SYCP3: variants seen among roughly 807,000 people sequenced by gnomAD.
SYCP3 encodes synaptonemal complex protein 3.
Under a neutral mutation model 38.5 loss-of-function variants are expected in SYCP3, and 29 were observed. The ratio of observed to expected loss-of-function variants is 0.75; its 90% CI spans 0.56 to 1.03. SYCP3 has a LOEUF of 1.03. SYCP3 is among the 50% of genes least tolerant of loss of function. The pLI is 0.00. For synonymous variants in SYCP3, 79 were observed against 80.3 expected (o/e 0.98, Z 0.08); for missense variants, 242 against 270.7 (o/e 0.89, Z 0.74).
intron 7 of SYCP3, chr12:101,730,474 T>C (rs1001745945): frequency 2.4e-6 from 1 of 410,226 alleles, no homozygotes; most frequent in Non-Finnish European, 4.7e-6. Flanking sequence ...CTTTTTAAAA[T>C]AACATGTGTG....
chr12:101,735,739 A>G (rs1025028658), intron 4 of SYCP3, among the ~76,000 whole-genome samples: 1 of 151,120 alleles, frequency 6.6e-6, no homozygotes, highest in Non-Finnish European at 1.5e-5. Flanking sequence ...ACACATTTCA[A>G]TGAATTATTG....
At chr12:101,729,660 CAACA>C (rs1163403039) in intron 7 of SYCP3, 2 of 158,506 alleles carry the variant, frequency 1.3e-5, no homozygotes, top group Admixed American at 1.2e-4. Context: ...ATTATTCATT[CAACA>C]AACAGTTAAT....
In SYCP3 at chr12:101,728,698, C is replaced by T; in HGVS notation, c.*229G>A. On this transcript the variant is annotated 3_prime_UTR_variant, in exon 9 of 9. Coordinates refer to ENST00000392924, the MANE Select transcript of SYCP3 (RefSeq NM_001177949.2). ...TGACAGTGTTAGAGAGAAAAATTCA[C>T]TATCATTACTAAAGAGCTGAAAGCT... 1.8e-6 allele frequency: 1 copy of T among 549,878 alleles called. No individual in the cohort carries two copies. The highest frequency in any genetic ancestry group is 3.1e-6 in the Non-Finnish European group (1 of 323,000). 34.1% of individuals were successfully genotyped at this position (549,878 alleles called of 1,614,324 possible).
Position 101,731,625 on chromosome 12 carries a change from T to A in SYCP3, c.495A>T (p.Arg165Ser), listed in dbSNP as rs764862995. Residue 165 changes from arginine (R) to serine (S), a missense_variant, in exon 7 of 9, where the codon AGA becomes AGT. By Grantham distance (110) the Arg-to-Ser change is moderately radical. Coordinates refer to ENST00000392924, the MANE Select transcript of SYCP3 (RefSeq NM_001177949.2). ...RQQQKILQQSRIVQSQRLKTI... is the reference protein window; with the variant it reads ...RQQQKILQQSSIVQSQRLKTI... The stretch of plus-strand genomic sequence containing the variant: ...TTTTCAATCTCTGGCTCTGAACAAT[T>A]CTAGATTGTTGAAGAATCTTTTGTT... 1.9e-6 allele frequency: 3 copies of A among 1,605,098 alleles called. No homozygotes were observed. In the Admixed American group the frequency reaches 5.1e-5, roughly 27 times the overall value.
intron 7 of SYCP3, among the ~76,000 whole-genome samples, chr12:101,729,821 T>G (rs1345423531): frequency 6.6e-6 from 1 of 152,046 alleles, no homozygotes; most frequent in Non-Finnish European, 1.5e-5. Flanking sequence ...CAACTTGCTG[T>G]GGTGATATAG....
chr12:101,731,589 C>T lies in SYCP3; in HGVS notation c.531G>A (p.Gln177=), dbSNP rs1282249294. ...AAACCTTTATGAACTGCTCATATAA[C>T]TGTTTAATTGTTTTCAATCTCTGGC... ...VQSQRLKTIK[Q]LYEQFIKSME... is the part of the protein sequence containing the mutation. The change falls in exon 7 of 9, where the codon CAG becomes CAA. Residue 177 remains glutamine, a synonymous_variant. Transcript: ENST00000392924. The T allele has an allele frequency of 6.2e-7, 1 of 1,605,546 alleles. No homozygotes were observed. The highest frequency in any genetic ancestry group is 8.5e-7 in the Non-Finnish European group (1 of 1,177,430).
chr12:101,736,172 A>AT (rs999523973), intron 4 of SYCP3, among the ~76,000 whole-genome samples: 4 of 152,022 alleles, frequency 2.6e-5, no homozygotes, highest in African/African-American at 9.7e-5. Flanking sequence ...TTTATTGGGC[A>AT]TTTTTACCCA....
intron 7 of SYCP3, chr12:101,730,726 A>T: frequency 5.0e-6 from 1 of 198,306 alleles, no homozygotes; most frequent in South Asian, 7.0e-5. Context: ...TGGTCTTGAA[A>T]CCCTGGGCTC....
chr12:101,736,149 T>C (rs1391245801), intron 4 of SYCP3, among the ~76,000 whole-genome samples: 1 of 152,044 alleles, frequency 6.6e-6, no homozygotes, highest in Non-Finnish European at 1.5e-5. Flanking sequence ...TTTTAAATGC[T>C]TTTGTGGAGC....
intron 2 of SYCP3, 66 bp from the exon 3 acceptor site, chr12:101,737,364 T>A: frequency 7.1e-7 from 1 of 1,409,744 alleles, no homozygotes; most frequent in Non-Finnish European, 9.8e-7. Context: ...TTGGTAAATT[T>A]TAATGAAACA....
intron 6 of SYCP3, 123 bp downstream of exon 6, chr12:101,733,452 T>G (rs926050728): frequency 1.2e-6 from 1 of 866,502 alleles, no homozygotes. Flanking sequence ...TTCAGTAGGT[T>G]TAAAACACAT....
chr12:101,735,655 G>A (rs983111410), intron 4 of SYCP3, among the ~76,000 whole-genome samples: 7 of 151,048 alleles, frequency 4.6e-5, no homozygotes, highest in Admixed American at 6.6e-5. Context: ...GTGAGACTCC[G>A]TCTCAAAAAT....
rs1200075028 is a variant in SYCP3, at chr12:101,737,701, C to T, written c.133+102G>A. The stretch of plus-strand genomic sequence containing the variant: ...CCACAAATACCGGGGGAGGGAAGAC[C>T]ATACCTGAAAATGCTTTACAAACTA... On this transcript the variant is annotated intron_variant, in intron 2 of 8. Transcript: ENST00000392924. 17 of 1,533,130 alleles carry T rather than the reference C, an allele frequency of 1.1e-5. No individual in the cohort carries two copies. In the East Asian group the frequency reaches 3.8e-4, roughly 35 times the overall value. The allele number at this position is 1,533,130 out of a possible 1,614,324, so 95.0% of individuals were successfully genotyped here.
Position 101,735,868 on chromosome 12 carries a change from TA to T in SYCP3, c.236-825del, listed in dbSNP as rs1386517807. ...AATCAATTTTATATATATATATATA[TA>T]TATTTTTTTTTTTTTAAAGACACGG... On this transcript the variant is annotated intron_variant, in intron 4 of 8. Transcript: ENST00000392924. Among the ~76,000 whole-genome samples, 82 of 99,928 alleles carry T rather than the reference TA, an allele frequency of 8.2e-4. 4 individuals are homozygous for T. Among genetic ancestry groups the T allele is most frequent in the African/African-American group, 3.1e-3 (78 of 25,084 alleles). 65.6% of individuals were successfully genotyped at this position (99,928 alleles called of 152,430 possible).
At chr12:101,738,475 G>A (rs1464902711) in intron 1 of SYCP3, among the ~76,000 whole-genome samples, 1 of 151,032 alleles carries the variant, frequency 6.6e-6, no homozygotes, top group Non-Finnish European at 1.5e-5. Context: ...TGTGGCTCAT[G>A]CCTGTAATCC....
In SYCP3 at chr12:101,733,574, C is replaced by G. The variant is rs1952272443; in HGVS notation, c.453+1G>C. On this transcript the variant is annotated splice_donor_variant, in intron 6 of 8. Transcript: ENST00000392924. LOFTEE classifies it high-confidence loss of function. ...ATTATAAACCTAATCATGATACCAACAAGTATTTTTTCTTCTTGTTCCTCA... is the reference window on the plus strand; with the variant it reads ...ATTATAAACCTAATCATGATACCAAGAAGTATTTTTTCTTCTTGTTCCTCA... 2 of 1,611,420 alleles carry G rather than the reference C, an allele frequency of 1.2e-6. No homozygotes were observed. The highest frequency in any genetic ancestry group is 1.1e-5 in the South Asian group (1 of 91,052).
intron 1 of SYCP3, among the ~76,000 whole-genome samples, chr12:101,738,431 A>G (rs913002738): frequency 1.3e-5 from 2 of 148,404 alleles, no homozygotes; most frequent in African/African-American, 4.9e-5. Context: ...CTTCGTCTCA[A>G]AAAAAAAAAA....
In SYCP3 at chr12:101,728,676, CAGTGTT is replaced by C. The variant is rs1235773308; in HGVS notation, c.*245_*250del. The C allele has an allele frequency of 3.0e-5, 14 of 461,166 alleles. No individual in the cohort carries two copies. Among genetic ancestry groups the C allele is most frequent in the African/African-American group, 1.6e-4 (8 of 50,308 alleles). 28.6% of individuals were successfully genotyped at this position (461,166 alleles called of 1,614,324 possible). On this transcript the variant is annotated 3_prime_UTR_variant, in exon 9 of 9. Coordinates refer to ENST00000392924, the MANE Select transcript of SYCP3 (RefSeq NM_001177949.2). ...AATTAAATCGTCTTTATTTAATTGA[CAGTGTT>C]AGAGAGAAAAATTCACTATCATTAC...
intron 2 of SYCP3, 64 bp downstream of exon 2, chr12:101,737,739 G>C: frequency 6.2e-7 from 1 of 1,608,600 alleles, no homozygotes; most frequent in Non-Finnish European, 8.5e-7. Flanking sequence ...TTGTACGATA[G>C]TCTCAATGGG....
Sources: gnomAD v4.1 joint callset for allele counts (sites outside exome capture counted in the v4.1 genomes callset) on GRCh38, gnomAD v4.1.1 for gene constraint, MANE v1.5 for transcripts, NCBI Gene and HGNC (gene_info 2026-07-23, HGNC 2026-07-21) for gene names.